The following CACHD1 variants were observed in gnomAD, a reference collection of about 807,000 sequenced individuals.
CACHD1 encodes VWFA and cache domain-containing protein 1.
In CACHD1, 71 loss-of-function variants were observed where a neutral mutation model predicts 138.7. That is an observed-to-expected ratio of 0.51 (90% CI 0.42 to 0.62). The LOEUF is 0.62. Among genes scored for constraint, CACHD1 ranks in the 20% least tolerant of loss-of-function variants. The pLI is 0.00. For synonymous variants in CACHD1, 578 were observed against 591.5 expected, an observed-to-expected ratio of 0.98 and a Z score of 0.33; for missense variants, 1,389 against 1,625.3, an observed-to-expected ratio of 0.85 and a Z score of 2.50.
intron 26 of CACHD1, among the ~76,000 whole-genome samples, chr1:64,686,384 T>C (rs1396613899): frequency 1.3e-5 from 2 of 152,210 alleles, no homozygotes; most frequent in East Asian, 3.8e-4. Context: ...TATTTAGAAA[T>C]ATTTTATGTG....
At chr1:64,649,050 T>C (rs1364870344) in intron 9 of CACHD1, among the ~76,000 whole-genome samples, 1 of 152,198 alleles carries the variant, frequency 6.6e-6, no homozygotes, top group East Asian at 1.9e-4. Flanking sequence ...GATATTATAT[T>C]TATGTTTTGT....
intron 1 of CACHD1, among the ~76,000 whole-genome samples, chr1:64,533,361 CAA>C (rs1378494484): frequency 2.0e-5 from 3 of 152,100 alleles, no homozygotes; most frequent in East Asian, 1.9e-4. Flanking sequence ...GTCTCAAAAA[CAA>C]GAGAGAGAGG....
At chr1:64,493,874 A>T (rs1200291956) in intron 1 of CACHD1, among the ~76,000 whole-genome samples, 1 of 152,176 alleles carries the variant, frequency 6.6e-6, no homozygotes, top group African/African-American at 2.4e-5. Context: ...AAGGGGACCT[A>T]TTTAATAGAC....
chr1:64,575,157 G>T (rs940125640), intron 2 of CACHD1, among the ~76,000 whole-genome samples: 1 of 152,130 alleles, frequency 6.6e-6, no homozygotes. Context: ...TATTCACTGT[G>T]TTTCATTTGA....
intron 1 of CACHD1, among the ~76,000 whole-genome samples, chr1:64,472,964 A>G (rs1177010060): frequency 2.0e-5 from 3 of 152,078 alleles, no homozygotes; most frequent in Admixed American, 2.0e-4. Context: ...GTGAAATTGG[A>G]TCCCAACACA....
chr1:64,640,443 A>G (rs1648668386), intron 7 of CACHD1, among the ~76,000 whole-genome samples: 2 of 152,226 alleles, frequency 1.3e-5, no homozygotes, highest in African/African-American at 2.4e-5. Context: ...TGGGAGGCCA[A>G]GGCGGGCAGA....
At chr1:64,556,781 A>G (rs1185213039) in intron 2 of CACHD1, among the ~76,000 whole-genome samples, 1 of 152,174 alleles carries the variant, frequency 6.6e-6, no homozygotes, top group African/African-American at 2.4e-5. Flanking sequence ...TTTGCTGCCA[A>G]AGAAACTATG....
At chr1:64,543,194 T>C (rs1646690478) in intron 1 of CACHD1, among the ~76,000 whole-genome samples, 1 of 151,698 alleles carries the variant, frequency 6.6e-6, no homozygotes, top group Non-Finnish European at 1.5e-5. Flanking sequence ...GTGGTAACCT[T>C]TTCCATACTC....
chr1:64,500,401 T>C (rs1319383158), intron 1 of CACHD1, among the ~76,000 whole-genome samples: 2 of 152,220 alleles, frequency 1.3e-5, no homozygotes, highest in Non-Finnish European at 2.9e-5. Flanking sequence ...AAGAATGCCT[T>C]TTTATAATCT....
intron 24 of CACHD1, among the ~76,000 whole-genome samples, chr1:64,680,676 T>G (rs1650145814): frequency 6.6e-6 from 1 of 152,136 alleles, no homozygotes; most frequent in African/African-American, 2.4e-5. Flanking sequence ...TGACCTGACC[T>G]TTTTGGAGGT....
At chr1:64,520,247 A>G (rs949761095) in intron 1 of CACHD1, among the ~76,000 whole-genome samples, 14 of 152,296 alleles carry the variant, frequency 9.2e-5, no homozygotes, top group Non-Finnish European at 1.6e-4. Flanking sequence ...TTTCTAGAAT[A>G]TTTTGGCCAA....
chr1:64,507,804 T>G (rs371825469), intron 1 of CACHD1, among the ~76,000 whole-genome samples: 215 of 152,296 alleles, frequency 1.4e-3, no homozygotes, highest in African/African-American at 4.9e-3. Context: ...AAGACTTGAG[T>G]TCAAACCACC....
intron 2 of CACHD1, among the ~76,000 whole-genome samples, chr1:64,576,616 G>A (rs1381660082): frequency 6.6e-6 from 1 of 152,154 alleles, no homozygotes; most frequent in Non-Finnish European, 1.5e-5. Flanking sequence ...AGGGAGGCAA[G>A]AGCACCCCCA....
intron 7 of CACHD1, among the ~76,000 whole-genome samples, chr1:64,638,994 T>C (rs1228473218): frequency 6.6e-6 from 1 of 152,148 alleles, no homozygotes; most frequent in Non-Finnish European, 1.5e-5. Context: ...GGAAAGAAAA[T>C]GTGCTTGGCT....
intron 4 of CACHD1, among the ~76,000 whole-genome samples, chr1:64,611,102 C>T (rs1647516476): frequency 6.6e-6 from 1 of 152,170 alleles, no homozygotes; most frequent in Non-Finnish European, 1.5e-5. Flanking sequence ...GTGGCTGGGA[C>T]ACAGAGCACC....
chr1:64,627,399 C>A (rs940594034), intron 4 of CACHD1, among the ~76,000 whole-genome samples: 1 of 151,694 alleles, frequency 6.6e-6, no homozygotes, highest in African/African-American at 2.4e-5. Context: ...AGAGTGAGAC[C>A]CTGTCTCAAA....
intron 26 of CACHD1, among the ~76,000 whole-genome samples, chr1:64,682,560 A>G (rs547038623): frequency 6.6e-6 from 1 of 152,318 alleles, no homozygotes; most frequent in African/African-American, 2.4e-5. Context: ...CAACATTTGC[A>G]CTGAGCCTTG....
chr1:64,602,101 C>A (rs1647220789), intron 3 of CACHD1, among the ~76,000 whole-genome samples: 1 of 152,156 alleles, frequency 6.6e-6, no homozygotes, highest in Admixed American at 6.5e-5. Context: ...AGAATAATAG[C>A]ATTGTTCTAG....
chr1:64,685,271 C>A (rs182688124), intron 26 of CACHD1, among the ~76,000 whole-genome samples: 1 of 152,236 alleles, frequency 6.6e-6, no homozygotes, highest in African/African-American at 2.4e-5. Context: ...GGTTTGTAGC[C>A]TAGAAGAATA....
Sources: gnomAD v4.1 joint callset for allele counts (sites outside exome capture counted in the v4.1 genomes callset) on GRCh38, gnomAD v4.1.1 for gene constraint, MANE v1.5 for transcripts, NCBI Gene and HGNC (gene_info 2026-07-23, HGNC 2026-07-21) for gene names.